The following CACNA2D3 variants were observed in gnomAD, a reference collection of about 807,000 sequenced individuals.
CACNA2D3 encodes calcium voltage-gated channel auxiliary subunit alpha2delta 3, also known as voltage-dependent calcium channel subunit alpha-2/delta-3.
CACNA2D3 carries 60 observed loss-of-function variants against 160.6 expected under a neutral mutation model. That is an observed-to-expected ratio of 0.37 (90% CI 0.30 to 0.46). The LOEUF (loss-of-function observed/expected upper bound fraction) is 0.46. Among genes scored for constraint, CACNA2D3 ranks in the 20% least tolerant of loss-of-function variants. The probability of loss-of-function intolerance (pLI) is 1.00; values close to 1 mark genes in which losing one functional copy is unlikely to be tolerated. For missense variants in CACNA2D3, 1,205 were observed against 1,365.0 expected, an observed-to-expected ratio of 0.88 and a Z score of 1.85; for synonymous variants, 558 against 492.9, an observed-to-expected ratio of 1.13 and a Z score of -1.75.
At chr3:54,968,317 G>A in intron 27 of CACNA2D3, 133 bp from the exon 28 acceptor site, 1 of 634,020 alleles carries the variant, frequency 1.6e-6, no homozygotes, top group Non-Finnish European at 2.8e-6. Context: ...TGTTTTAGTT[G>A]TATGCTTCAC....
Position 54,630,902 on chromosome 3 carries a change from T to TA in CACNA2D3, c.1053+3033dup, listed in dbSNP as rs869094296. ...AGCAAAAAGCCGAATAAATGTTTTT[T>TA]AAAAAAACACAATGATAGGCCAGGC... On this transcript the variant is annotated intron_variant, in intron 10 of 37. Coordinates refer to ENST00000474759, the MANE Select transcript of CACNA2D3 (RefSeq NM_018398.3). Among the ~76,000 whole-genome samples, 16 of 152,088 alleles carry TA rather than the reference T, an allele frequency of 1.1e-4. No individual in the cohort carries two copies. In the East Asian group the frequency reaches 2.9e-3, roughly 28 times the overall value.
At chr3:54,890,590 G>T (rs1240124318) in intron 24 of CACNA2D3, among the ~76,000 whole-genome samples, 1 of 151,956 alleles carries the variant, frequency 6.6e-6, no homozygotes, top group East Asian at 1.9e-4. Flanking sequence ...AATATACCTT[G>T]CAAATCTCCT....
intron 2 of CACNA2D3, among the ~76,000 whole-genome samples, chr3:54,242,873 G>A (rs1346422831): frequency 6.6e-6 from 1 of 152,230 alleles, no homozygotes; most frequent in African/African-American, 2.4e-5. Context: ...TCAGTTAGAT[G>A]GTGGAGGTGG....
chr3:55,074,050 T>G (rs1704886694), intron 37 of CACNA2D3, 64 bp from the exon 38 acceptor site: 17 of 1,364,052 alleles, frequency 1.2e-5, no homozygotes, highest in Non-Finnish European at 1.8e-5. Context: ...GAGAGAGGTC[T>G]GGGGAAAGTT....
chr3:54,222,455 A>G lies in CACNA2D3; in HGVS notation c.205-97987A>G, dbSNP rs1207121524. 2.0e-5 allele frequency among the ~76,000 whole-genome samples: 3 copies of G among 152,310 alleles called. No homozygotes were observed. The East Asian group carries it at 5.8e-4, about 29-fold the overall frequency. ...TTCTCTTATTCAGCCTTTTTGTTCT[A>G]TTGAGGCCTTCAACTGATTGGATGA... On this transcript the variant is annotated intron_variant, in intron 2 of 37. Coordinates refer to ENST00000474759, the MANE Select transcript of CACNA2D3 (RefSeq NM_018398.3).
chr3:54,965,974 G>A (rs1476860136), intron 27 of CACNA2D3, among the ~76,000 whole-genome samples: 2 of 152,142 alleles, frequency 1.3e-5, no homozygotes, highest in Non-Finnish European at 2.9e-5. Context: ...TGGAGGGACT[G>A]ACTCATGAGG....
intron 9 of CACNA2D3, among the ~76,000 whole-genome samples, chr3:54,589,027 C>T (rs905856831): frequency 2.6e-5 from 4 of 151,620 alleles, no homozygotes; most frequent in African/African-American, 9.7e-5. Context: ...GTAGAGTATT[C>T]TAGAGTTTAC....
intron 3 of CACNA2D3, among the ~76,000 whole-genome samples, chr3:54,356,095 A>G (rs1221998117): frequency 2.2e-5 from 3 of 139,398 alleles, no homozygotes; most frequent in Admixed American, 7.1e-5. Flanking sequence ...ACAATCCCAC[A>G]ATGCCCTGAT....
In CACNA2D3 at chr3:54,993,921, T is replaced by TGTG. The variant is rs1491386264; in HGVS notation, c.2690+6168_2690+6169insGTG. On this transcript the variant is annotated intron_variant, in intron 31 of 37. Coordinates refer to ENST00000474759, the MANE Select transcript of CACNA2D3 (RefSeq NM_018398.3). ...GTGTGTGTGTGTGTGTGTGTGTGTG[T>TGTG]TTTGTGTGTGTGTGTGGTTTTGCGT... is the stretch of plus-strand genomic sequence containing the variant. 3.5e-5 allele frequency among the ~76,000 whole-genome samples: 5 copies of TGTG among 142,978 alleles called. No homozygotes were observed. In the East Asian group the frequency reaches 6.1e-4, roughly 17 times the overall value. 93.8% of individuals were successfully genotyped at this position (142,978 alleles called of 152,430 possible).
intron 4 of CACNA2D3, among the ~76,000 whole-genome samples, chr3:54,472,345 A>T (rs913794844): frequency 4.6e-5 from 7 of 152,126 alleles, no homozygotes; most frequent in Admixed American, 4.6e-4. Context: ...AAAATTCAAC[A>T]CCCCTTCATG....
intron 14 of CACNA2D3, among the ~76,000 whole-genome samples, chr3:54,832,193 TAGAAAA>T (rs1317373656): frequency 6.6e-6 from 1 of 152,138 alleles, no homozygotes; most frequent in Non-Finnish European, 1.5e-5. Flanking sequence ...TGCTCCTGGT[TAGAAAA>T]AGAAAAACAT....
intron 5 of CACNA2D3, among the ~76,000 whole-genome samples, chr3:54,511,892 T>C (rs1253934864): frequency 6.6e-6 from 1 of 152,190 alleles, no homozygotes; most frequent in African/African-American, 2.4e-5. Flanking sequence ...GCTTTCTGTG[T>C]TTTGCCTGGG....
At chr3:54,524,809 T>G (rs1319961925) in intron 5 of CACNA2D3, among the ~76,000 whole-genome samples, 2 of 152,134 alleles carry the variant, frequency 1.3e-5, no homozygotes, top group Non-Finnish European at 2.9e-5. Context: ...CCATTCCAGC[T>G]TTCTTGTTAA....
At chr3:54,582,565 G>T (rs1322130999) in intron 9 of CACNA2D3, among the ~76,000 whole-genome samples, 1 of 152,168 alleles carries the variant, frequency 6.6e-6, no homozygotes, top group Admixed American at 6.5e-5. Context: ...AGGGCCAGTT[G>T]ACAGTTTCAC....
chr3:54,486,457 C>G (rs959990849), intron 4 of CACNA2D3, among the ~76,000 whole-genome samples: 1 of 152,058 alleles, frequency 6.6e-6, no homozygotes, highest in African/African-American at 2.4e-5. Context: ...CAACCCAAGT[C>G]AAATTAGAAT....
chr3:54,943,405 T>G (rs1187861747), intron 27 of CACNA2D3, among the ~76,000 whole-genome samples: 1 of 152,182 alleles, frequency 6.6e-6, no homozygotes, highest in Non-Finnish European at 1.5e-5. Flanking sequence ...CTTTAATACA[T>G]GGTGCTTTGG....
intron 9 of CACNA2D3, among the ~76,000 whole-genome samples, chr3:54,603,328 C>A: frequency 6.6e-6 from 1 of 152,188 alleles, no homozygotes; most frequent in East Asian, 1.9e-4. Context: ...GTTTTCAGTT[C>A]TTGTATTTTC....
chr3:54,259,267 G>C (rs1419402333), intron 2 of CACNA2D3, among the ~76,000 whole-genome samples: 1 of 152,226 alleles, frequency 6.6e-6, no homozygotes, highest in Non-Finnish European at 1.5e-5. Flanking sequence ...GCCTGGCATG[G>C]TGACACGGAC....
intron 2 of CACNA2D3, among the ~76,000 whole-genome samples, chr3:54,146,668 G>A (rs539083154): frequency 6.6e-6 from 1 of 152,352 alleles, no homozygotes; most frequent in African/African-American, 2.4e-5. Flanking sequence ...CAGGGCCCAT[G>A]GAAGCTACAA....
Sources: allele counts gnomAD v4.1 joint callset (sites outside exome capture counted in the v4.1 genomes callset), GRCh38; gene constraint gnomAD v4.1.1; transcripts MANE v1.5; gene names NCBI Gene and HGNC (gene_info 2026-07-23, HGNC 2026-07-21).